ADGRB3: variants seen among roughly 807,000 people sequenced by gnomAD.
ADGRB3 encodes the protein adhesion G protein-coupled receptor B3.
A neutral mutation model predicts 193.4 loss-of-function variants in ADGRB3; 37 were observed. The ratio of observed to expected loss-of-function variants is 0.19; its 90% CI spans 0.15 to 0.25. ADGRB3 has a LOEUF of 0.25. Among genes scored for constraint, ADGRB3 ranks in the 10% least tolerant of loss-of-function variants. The pLI is 1.00. For synonymous variants in ADGRB3, 690 were observed against 644.2 expected, an observed-to-expected ratio of 1.07 and a Z score of -1.08; for missense variants, 1,637 against 1,852.9, an observed-to-expected ratio of 0.88 and a Z score of 2.14.
chr6:68,682,196 C>A (rs567718748), intron 3 of ADGRB3, among the ~76,000 whole-genome samples: 7 of 152,168 alleles, frequency 4.6e-5, no homozygotes, highest in Admixed American at 4.6e-4. Flanking sequence ...CTGTATTTTA[C>A]AAGAATCAGG....
intron 3 of ADGRB3, among the ~76,000 whole-genome samples, chr6:68,669,554 G>A (rs949681028): frequency 4.7e-5 from 7 of 150,420 alleles, no homozygotes; most frequent in Non-Finnish European, 1.0e-4. Context: ...TCTCACCCAC[G>A]TTGTTGTAAA....
intron 17 of ADGRB3, among the ~76,000 whole-genome samples, chr6:69,122,827 A>AACATACAT (rs565947895): frequency 2.0e-5 from 3 of 151,992 alleles, no homozygotes; most frequent in African/African-American, 7.2e-5. Flanking sequence ...GCTGGTTTCA[A>AACATACAT]ACATACATAC....
At chr6:68,877,149 G>T (rs1403034580) in intron 3 of ADGRB3, among the ~76,000 whole-genome samples, 1 of 151,822 alleles carries the variant, frequency 6.6e-6, no homozygotes, top group Non-Finnish European at 1.5e-5. Flanking sequence ...AGCCTTTATA[G>T]TTCCCTTCAG....
rs372561713 is a variant in ADGRB3, at chr6:68,819,438, C to T, written c.758-111121C>T. Among the ~76,000 whole-genome samples, 136 of 151,974 alleles carry T rather than the reference C, an allele frequency of 8.9e-4. 1 individual carries two copies. Among genetic ancestry groups the T allele is most frequent in the African/African-American group, 3.2e-3 (133 of 41,486 alleles). ...TATTAGCCTGCCTTTCTTCTTTTGT[C>T]TGCAACTAGATTACATGCTCAGATG... On this transcript the variant is annotated intron_variant, in intron 3 of 31. Coordinates refer to ENST00000370598, the MANE Select transcript of ADGRB3 (RefSeq NM_001704.3).
chr6:69,292,594 T>C (rs937234058), intron 20 of ADGRB3, among the ~76,000 whole-genome samples: 3 of 152,162 alleles, frequency 2.0e-5, no homozygotes, highest in African/African-American at 7.2e-5. Flanking sequence ...CATAGGAAAC[T>C]ACATTTGTCA....
intron 20 of ADGRB3, among the ~76,000 whole-genome samples, chr6:69,305,372 T>A (rs1768046044): frequency 6.6e-6 from 1 of 151,540 alleles, no homozygotes; most frequent in Non-Finnish European, 1.5e-5. Flanking sequence ...ATATACTTTT[T>A]TGGCTAATAG....
intron 3 of ADGRB3, among the ~76,000 whole-genome samples, chr6:68,723,256 T>C (rs1480261890): frequency 6.6e-6 from 1 of 151,728 alleles, no homozygotes; most frequent in Admixed American, 6.6e-5. Flanking sequence ...CTCTATGCTT[T>C]TCTCTTTTAT....
intron 3 of ADGRB3, among the ~76,000 whole-genome samples, chr6:68,763,780 G>A (rs1475332290): frequency 6.6e-6 from 1 of 152,006 alleles, no homozygotes; most frequent in African/African-American, 2.4e-5. Context: ...TTAGACATGA[G>A]GCCGGTGCGG....
intron 17 of ADGRB3, among the ~76,000 whole-genome samples, chr6:69,217,915 A>G (rs904904731): frequency 5.3e-5 from 8 of 151,922 alleles, no homozygotes; most frequent in Admixed American, 2.6e-4. Flanking sequence ...TTTAAAAAAA[A>G]CTAAATGAGT....
At position 68,635,652 on chromosome 6, in the gene ADGRB3, C is replaced by T. The variant is rs953600433; in HGVS notation, c.-536C>T. On this transcript the variant is annotated 5_prime_UTR_variant, in exon 1 of 32. Coordinates refer to ENST00000370598, the MANE Select transcript of ADGRB3 (RefSeq NM_001704.3). ...TATGAAACAAATCTTTGCTATTAAG[C>T]CACTTACATTTTGGGGGGTTCCTTA... 6.6e-6 allele frequency: 1 copy of T among 152,388 alleles called. No homozygotes were observed. The highest frequency in any genetic ancestry group is 1.5e-5 in the Non-Finnish European group (1 of 68,238). The allele number at this position is 152,388 out of a possible 1,614,324, so 9.4% of individuals were successfully genotyped here.
rs986962613 is a variant in ADGRB3, at chr6:69,381,307, C to T, written c.4276-1524C>T. Among the ~76,000 whole-genome samples, 3 of 151,844 alleles carry T rather than the reference C, an allele frequency of 2.0e-5. No homozygotes were observed. In the South Asian group the frequency reaches 6.2e-4, roughly 31 times the overall value. On this transcript the variant is annotated intron_variant, in intron 30 of 31. Transcript: ENST00000370598. ...CCCCCCAAACTGATGGGAAGTTAATCGCTCTATAATTGCTTGCTATGTTTC... is the reference window on the plus strand; with the variant it reads ...CCCCCCAAACTGATGGGAAGTTAATTGCTCTATAATTGCTTGCTATGTTTC...
At chr6:68,777,963 T>C (rs1392459253) in intron 3 of ADGRB3, among the ~76,000 whole-genome samples, 1 of 152,064 alleles carries the variant, frequency 6.6e-6, no homozygotes, top group Non-Finnish European at 1.5e-5. Flanking sequence ...GAACATCCTT[T>C]AAGCAATGAA....
At chr6:69,118,431 A>T (rs540211626) in intron 17 of ADGRB3, among the ~76,000 whole-genome samples, 1 of 144,750 alleles carries the variant, frequency 6.9e-6, no homozygotes, top group African/African-American at 2.5e-5. Flanking sequence ...CAAGAGATAA[A>T]GTCTCAGGCT....
chr6:69,370,382 G>T (rs1490795393), intron 29 of ADGRB3, among the ~76,000 whole-genome samples: 1 of 151,912 alleles, frequency 6.6e-6, no homozygotes, highest in Non-Finnish European at 1.5e-5. Flanking sequence ...AATTTTTAAG[G>T]CTTTACTGCT....
At chr6:68,810,203 G>A (rs1767482568) in intron 3 of ADGRB3, among the ~76,000 whole-genome samples, 1 of 152,166 alleles carries the variant, frequency 6.6e-6, no homozygotes, top group Non-Finnish European at 1.5e-5. Flanking sequence ...TATTGACCAG[G>A]AGTGGCTGCT....
intron 3 of ADGRB3, among the ~76,000 whole-genome samples, chr6:68,709,241 C>T (rs1765372300): frequency 6.6e-6 from 1 of 152,102 alleles, no homozygotes; most frequent in African/African-American, 2.4e-5. Context: ...TAGCGAATAG[C>T]TTTTCCATTG....
intron 20 of ADGRB3, among the ~76,000 whole-genome samples, chr6:69,284,758 T>C (rs1767512672): frequency 6.7e-6 from 1 of 149,230 alleles, no homozygotes; most frequent in African/African-American, 2.6e-5. Context: ...TAGTTACTAA[T>C]ATGTAATTAA....
At chr6:68,841,708 G>A (rs1768162066) in intron 3 of ADGRB3, among the ~76,000 whole-genome samples, 1 of 152,032 alleles carries the variant, frequency 6.6e-6, no homozygotes, top group Non-Finnish European at 1.5e-5. Flanking sequence ...ACTAGGAGAG[G>A]AAGAGAAAGC....
At chr6:69,040,310 T>TTTCTTTCTTTC (rs1411302749) in intron 13 of ADGRB3, among the ~76,000 whole-genome samples, 8 of 27,658 alleles carry the variant, frequency 2.9e-4, no homozygotes, top group African/African-American at 9.4e-4. Flanking sequence ...TCTCTGTCTC[T>TTTCTTTCTTTC]TTCTTTCTTT....
Sources: allele counts gnomAD v4.1 joint callset (sites outside exome capture counted in the v4.1 genomes callset), GRCh38; gene constraint gnomAD v4.1.1; transcripts MANE v1.5; gene names NCBI Gene and HGNC (gene_info 2026-07-23, HGNC 2026-07-21).